Variants in CFAP77 observed in about 807,000 individuals in gnomAD.
CFAP77 encodes the protein cilia- and flagella-associated protein 77.
In CFAP77, 25 loss-of-function variants were observed where a neutral mutation model predicts 31.1. The observed-to-expected ratio is 0.80, with a 90% CI of 0.59 to 1.12. The LOEUF (loss-of-function observed/expected upper bound fraction) is 1.12, where lower values mean the gene tolerates loss of function less well. CFAP77 is among the 50% of genes most tolerant of loss of function. The pLI is 0.00. For missense variants in CFAP77, 377 were observed against 397.3 expected, an observed-to-expected ratio of 0.95 and a Z score of 0.44; for synonymous variants, 151 against 159.9, an observed-to-expected ratio of 0.94 and a Z score of 0.42.
chr9:132,420,325 A>C (rs1353837668), intron 1 of CFAP77, among the ~76,000 whole-genome samples: 1 of 151,936 alleles, frequency 6.6e-6, no homozygotes, highest in Non-Finnish European at 1.5e-5. Flanking sequence ...CAGGACAGGA[A>C]GGGGACACCT....
chr9:132,467,813 A>G (rs1334493428), intron 1 of CFAP77, among the ~76,000 whole-genome samples: 3 of 152,118 alleles, frequency 2.0e-5, no homozygotes, highest in Non-Finnish European at 4.4e-5. Context: ...CTTCCCACCA[A>G]TGGTGCACAA....
intron 3 of CFAP77, among the ~76,000 whole-genome samples, chr9:132,521,394 AGAGTCACTCAGCTTCTCTACT>A (rs1852261757): frequency 6.6e-6 from 1 of 152,238 alleles, no homozygotes; most frequent in South Asian, 2.1e-4. Flanking sequence ...AAAGGCTTCC[AGAGTCACTCAGCTTCTCTACT>A]GAGTGCAGAC....
Position 132,486,051 on chromosome 9 carries a change from TGTATGTGTGTGTGTGTATATATATATA to T in CFAP77, c.196-12643_196-12617del, listed in dbSNP as rs1851544635. The stretch of plus-strand genomic sequence containing the variant: ...ATATATATATATATATGTATGTATA[TGTATGTGTGTGTGTGTATATATATATA>T]TATATATATATATTTTTTTTTTTTT... On this transcript the variant is annotated intron_variant, in intron 1 of 5. Coordinates refer to ENST00000393216, the MANE Select transcript of CFAP77 (RefSeq NM_001282957.2). Among the ~76,000 whole-genome samples the T allele has an allele frequency of 1.2e-4, 6 of 49,428 alleles. 1 individual carries two copies. The highest frequency in any genetic ancestry group is 5.7e-4 in the African/African-American group (3 of 5,234). 32.4% of individuals were successfully genotyped at this position (49,428 alleles called of 152,430 possible). A position where few individuals can be genotyped will look rare whatever the true frequency, so the allele number is the denominator to read the frequency against.
chr9:132,440,430 C>T (rs574161669), intron 1 of CFAP77, among the ~76,000 whole-genome samples: 5 of 152,138 alleles, frequency 3.3e-5, no homozygotes, highest in South Asian at 2.1e-4. Flanking sequence ...AATGCATTCT[C>T]TCATCAAATC....
chr9:132,524,488 C>T (rs1052427198), intron 3 of CFAP77, among the ~76,000 whole-genome samples: 1 of 151,660 alleles, frequency 6.6e-6, no homozygotes, highest in Non-Finnish European at 1.5e-5. Flanking sequence ...CAGCGTGAGC[C>T]TGTAATCTCA....
chr9:132,439,585 A>G (rs985684992), intron 1 of CFAP77, among the ~76,000 whole-genome samples: 18 of 151,968 alleles, frequency 1.2e-4, no homozygotes, highest in Middle Eastern at 3.4e-3. Context: ...GGTGGCTCAC[A>G]CCTGTAATCC....
intron 1 of CFAP77, among the ~76,000 whole-genome samples, chr9:132,466,509 G>A (rs747971970): frequency 2.4e-4 from 37 of 152,128 alleles, no homozygotes; most frequent in Non-Finnish European, 4.3e-4. Context: ...AACAAATGTC[G>A]CATTGCCCTC....
chr9:132,444,824 C>T (rs1589853888), intron 1 of CFAP77, among the ~76,000 whole-genome samples: 3 of 152,046 alleles, frequency 2.0e-5, no homozygotes, highest in Admixed American at 6.6e-5. Flanking sequence ...AATGCTGAAC[C>T]GCATTAGATA....
intron 1 of CFAP77, among the ~76,000 whole-genome samples, chr9:132,451,941 A>T (rs778933291): frequency 3.3e-5 from 5 of 151,430 alleles, no homozygotes; most frequent in Admixed American, 6.6e-5. Flanking sequence ...AGCAGCTGGG[A>T]CTACAGGTGT....
At chr9:132,561,857 G>C (rs1829816555) in intron 5 of CFAP77, among the ~76,000 whole-genome samples, 2 of 152,202 alleles carry the variant, frequency 1.3e-5, no homozygotes, top group African/African-American at 4.8e-5. Flanking sequence ...AAGAGGGAAG[G>C]GGAAGAAGGC....
At chr9:132,438,518 G>GTTATATATATATAT (rs1334397510) in intron 1 of CFAP77, among the ~76,000 whole-genome samples, 2 of 111,190 alleles carry the variant, frequency 1.8e-5, no homozygotes, top group African/African-American at 7.7e-5. Context: ...GAACAGATAT[G>GTTATATATATATAT]GTATATATAT....
At chr9:132,500,929 CT>C (rs983322379) in intron 3 of CFAP77, among the ~76,000 whole-genome samples, 1 of 152,258 alleles carries the variant, frequency 6.6e-6, no homozygotes, top group Non-Finnish European at 1.5e-5. Context: ...AACACCCCAT[CT>C]TCTTCTGACT....
chr9:132,469,020 G>A (rs569434), intron 1 of CFAP77, among the ~76,000 whole-genome samples: 80,198 of 150,894 alleles, frequency 0.53, 22,744 homozygotes, highest in East Asian at 0.9. Flanking sequence ...CAGTAGGTAT[G>A]AATTCACTCA....
At chr9:132,412,014 A>G (rs955073534) in intron 1 of CFAP77, among the ~76,000 whole-genome samples, 3 of 152,074 alleles carry the variant, frequency 2.0e-5, no homozygotes, top group Admixed American at 6.5e-5. Context: ...ATATATGTAA[A>G]TTTCCCCCTT....
At chr9:132,437,072 C>G (rs1045451669) in intron 1 of CFAP77, among the ~76,000 whole-genome samples, 1 of 152,046 alleles carries the variant, frequency 6.6e-6, no homozygotes, top group Non-Finnish European at 1.5e-5. Context: ...CATTTCGCAC[C>G]CTGTGTATCA....
rs1206340891 is a variant in CFAP77 at position 132,486,088 on chromosome 9, A to ATTTT, written c.196-12606_196-12605insTTTT. ...TGTGTATATATATATATATATATAT[A>ATTTT]TATTTTTTTTTTTTTTTTTTTTGAG... On this transcript the variant is annotated intron_variant, in intron 1 of 5. Coordinates refer to ENST00000393216, the MANE Select transcript of CFAP77 (RefSeq NM_001282957.2). Among the ~76,000 whole-genome samples the ATTTT allele has an allele frequency of 2.8e-4, 8 of 28,534 alleles. 2 individuals are homozygous for ATTTT. The highest frequency in any genetic ancestry group is 2.4e-3 in the African/African-American group (7 of 2,960). The allele number at this position is 28,534 out of a possible 152,430, so 18.7% of individuals were successfully genotyped here. A position where few individuals can be genotyped will look rare whatever the true frequency, so the allele number is the denominator to read the frequency against.
intron 1 of CFAP77, among the ~76,000 whole-genome samples, chr9:132,451,514 G>A (rs1307856033): frequency 6.6e-6 from 1 of 152,026 alleles, no homozygotes; most frequent in Non-Finnish European, 1.5e-5. Context: ...TGCACTGTGA[G>A]GTGTGTCTGT....
chr9:132,413,462 A>G (rs1417263482), intron 1 of CFAP77, among the ~76,000 whole-genome samples: 2 of 152,224 alleles, frequency 1.3e-5, no homozygotes, highest in African/African-American at 4.8e-5. Context: ...TTTCAACTCT[A>G]GTATAGACAG....
chr9:132,542,819 C>G (rs944727451), intron 4 of CFAP77, 127 bp from the exon 5 acceptor site: 15 of 544,648 alleles, frequency 2.8e-5, no homozygotes, highest in Middle Eastern at 3.2e-4. Flanking sequence ...GGGCTGGGGC[C>G]AGAAGGAAAG....
Sources: allele counts gnomAD v4.1 joint callset (sites outside exome capture counted in the v4.1 genomes callset), GRCh38; gene constraint gnomAD v4.1.1; transcripts MANE v1.5; gene names NCBI Gene and HGNC (gene_info 2026-07-23, HGNC 2026-07-21).